Variants in PHKA2 observed in about 807,000 individuals in gnomAD.
PHKA2 encodes the protein phosphorylase b kinase regulatory subunit alpha, liver isoform.
PHKA2 carries 31 observed loss-of-function variants against 102.0 expected under a neutral mutation model. The ratio of observed to expected loss-of-function variants is 0.30; its 90% confidence interval spans 0.23 to 0.41. PHKA2 has a LOEUF of 0.41. PHKA2 is among the 10% of genes least tolerant of loss of function. The pLI is 1.00. For synonymous variants in PHKA2, 455 were observed against 416.2 expected (o/e 1.09, Z -1.13); for missense variants, 858 against 1,023.1 (o/e 0.84, Z 2.20).
intron 1 of PHKA2, among the ~76,000 whole-genome samples, chrX:18,975,411 C>T (rs935769513): frequency 2.7e-5 from 3 of 111,962 alleles, no homozygotes; most frequent in Non-Finnish European, 5.6e-5. Flanking sequence ...GACTGTGAGG[C>T]TTCCCCAGCC....
Position 18,901,698 on chromosome X carries a change from G to C in PHKA2, c.2909-95C>G, listed in dbSNP as rs184206870. Reference sequence around the variant, plus strand: ...CTGTCTCCCCCACTTGACAATGAGGGCCTTCTCTGCCTGGCCAGCGCTGTG... The same window carrying C: ...CTGTCTCCCCCACTTGACAATGAGGCCCTTCTCTGCCTGGCCAGCGCTGTG... On this transcript the variant is annotated intron_variant, in intron 26 of 32. Transcript: ENST00000379942. 98 of 581,819 alleles carry C rather than the reference G, an allele frequency of 1.7e-4. No homozygotes were observed. In the African/African-American group the frequency reaches 1.7e-3, roughly 10 times the overall value. 47.9% of individuals were successfully genotyped at this position (581,819 alleles called of 1,213,427 possible).
chrX:18,917,451 G>A (rs866772525), intron 19 of PHKA2, among the ~76,000 whole-genome samples: 4 of 108,872 alleles, frequency 3.7e-5, no homozygotes, highest in East Asian at 2.9e-4. Context: ...TACAGACAGC[G>A]TTTCACCATG....
chrX:18,926,262 G>A (rs1055681045), intron 14 of PHKA2, among the ~76,000 whole-genome samples, 191 bp downstream of exon 14: 4 of 112,527 alleles, frequency 3.6e-5, no homozygotes, highest in Non-Finnish European at 7.5e-5. Context: ...CACCTGTGAC[G>A]GTGCCCACTG....
chrX:18,931,562 G>T (rs2048315389), intron 12 of PHKA2, 79 bp downstream of exon 12: 1 of 692,785 alleles, frequency 1.4e-6, no homozygotes, highest in Non-Finnish European at 2.4e-6. Flanking sequence ...ACGCCTGGCA[G>T]AGAGTCCCTA....
intron 19 of PHKA2, among the ~76,000 whole-genome samples, chrX:18,912,421 T>C (rs1030844728): frequency 1.8e-5 from 2 of 111,125 alleles, no homozygotes; most frequent in Non-Finnish European, 3.8e-5. Context: ...ATACTGTAGG[T>C]AACTGTAACA....
chrX:18,920,058 C>A lies in PHKA2; in HGVS notation c.1937G>T (p.Gly646Val). The A allele has an allele frequency of 8.3e-7, 1 of 1,205,077 alleles. No individual in the cohort carries two copies. The highest frequency in any genetic ancestry group is 1.1e-6 in the Non-Finnish European group (1 of 889,736). Residue 646 changes from glycine to valine, a missense_variant, in exon 18 of 33, where the codon GGA becomes GTA. This residue lies in a region of PHKA2 where 671 missense variants were observed against 745.2 expected (regional missense o/e 0.90). Coordinates refer to ENST00000379942, the MANE Select transcript of PHKA2 (RefSeq NM_000292.3). Reference protein sequence around the residue: ...FSPDSDSDLVGYLEDTCNQES... With the variant: ...FSPDSDSDLVVYLEDTCNQES... Reference sequence around the variant, plus strand: ...TTGATTACAGGTGTCTTCCAGATATCCTACCAAATCTGAATCACTATCAGG... The same window carrying A: ...TTGATTACAGGTGTCTTCCAGATATACTACCAAATCTGAATCACTATCAGG...
intron 30 of PHKA2, 52 bp downstream of exon 30, chrX:18,897,111 C>T: frequency 8.5e-7 from 1 of 1,183,035 alleles, no homozygotes; most frequent in Non-Finnish European, 1.1e-6. Flanking sequence ...CATGCCTTGC[C>T]AGGACAGTAA....
intron 1 of PHKA2, 42 bp downstream of exon 1, chrX:18,983,813 G>C (rs775812095): frequency 9.4e-7 from 1 of 1,058,680 alleles, no homozygotes; most frequent in Non-Finnish European, 1.3e-6. Context: ...AGTTACATGA[G>C]AGGGTAGTTC....
At chrX:18,945,441 T>G (rs1036037867) in intron 5 of PHKA2, among the ~76,000 whole-genome samples, 2 of 112,387 alleles carry the variant, frequency 1.8e-5, no homozygotes, top group East Asian at 5.5e-4. Context: ...AAACTCTGGA[T>G]GTATGGAGAA....
chrX:18,909,884 C>G (rs766442281), intron 20 of PHKA2, among the ~76,000 whole-genome samples: 26 of 112,225 alleles, frequency 2.3e-4, no homozygotes, highest in African/African-American at 8.1e-4. Flanking sequence ...TCTATTCCTG[C>G]TTTCTGCACC....
chrX:18,925,593 T>C (rs975301083), intron 15 of PHKA2, 75 bp downstream of exon 15: 28 of 597,480 alleles, frequency 4.7e-5, no homozygotes, highest in Non-Finnish European at 6.8e-5. Context: ...AATTCTGTCA[T>C]ATTCACAGGA....
intron 10 of PHKA2, among the ~76,000 whole-genome samples, chrX:18,938,008 A>G (rs1230411358): frequency 8.9e-6 from 1 of 112,271 alleles, no homozygotes; most frequent in East Asian, 2.8e-4. Context: ...TCTGTGATGG[A>G]ATGTTCTTGC....
intron 18 of PHKA2, among the ~76,000 whole-genome samples, 166 bp downstream of exon 18, chrX:18,919,866 C>A (rs1351722162): frequency 2.7e-5 from 3 of 111,384 alleles, no homozygotes; most frequent in Admixed American, 9.6e-5. Flanking sequence ...TTTAAACGGG[C>A]ATTTTATTCA....
intron 26 of PHKA2, among the ~76,000 whole-genome samples, chrX:18,903,505 G>A: frequency 8.9e-6 from 1 of 112,709 alleles, no homozygotes; most frequent in East Asian, 2.8e-4. Context: ...TGTCTGGGCA[G>A]CAGATGCAGG....
intron 12 of PHKA2, among the ~76,000 whole-genome samples, chrX:18,931,277 G>A (rs2048310814): frequency 9.0e-6 from 1 of 111,419 alleles, no homozygotes; most frequent in Non-Finnish European, 1.9e-5. Context: ...GGGCACCTAG[G>A]GGCCAATCTA....
At chrX:18,964,995 T>C (rs1420825015) in intron 1 of PHKA2, among the ~76,000 whole-genome samples, 1 of 112,423 alleles carries the variant, frequency 8.9e-6, no homozygotes, top group African/African-American at 3.2e-5. Flanking sequence ...CTGCAAGCTG[T>C]CCTGGTCCGA....
In PHKA2 at chrX:18,895,133, C is replaced by T. The variant is rs1297577445; in HGVS notation, c.3336+5G>A. ...GGGCCCGCCTCTGCGTTTTTCTCATCGTACCTCTCGGGTCGTCGAGGATGG... is the reference window on the plus strand; with the variant it reads ...GGGCCCGCCTCTGCGTTTTTCTCATTGTACCTCTCGGGTCGTCGAGGATGG... On this transcript the variant is annotated splice_donor_5th_base_variant and intron_variant, in intron 31 of 32. Coordinates refer to ENST00000379942, the MANE Select transcript of PHKA2 (RefSeq NM_000292.3). The T allele has an allele frequency of 7.4e-6, 9 of 1,210,183 alleles. No individual in the cohort carries two copies. Among genetic ancestry groups the T allele is most frequent in the Admixed American group, 6.5e-5 (3 of 46,083 alleles).
intron 12 of PHKA2, among the ~76,000 whole-genome samples, chrX:18,930,799 C>T (rs1326233601): frequency 9.0e-6 from 1 of 111,055 alleles, no homozygotes; most frequent in Non-Finnish European, 1.9e-5. Flanking sequence ...AGGTAGTGTT[C>T]CTGAGGGCTG....
chrX:18,918,380 G>A (rs2048055698), intron 19 of PHKA2, among the ~76,000 whole-genome samples: 2 of 112,474 alleles, frequency 1.8e-5, no homozygotes, highest in African/African-American at 6.5e-5. Flanking sequence ...GTTAGGGGGA[G>A]TGAAGCAGAG....
Sources: allele counts gnomAD v4.1 joint callset (sites outside exome capture counted in the v4.1 genomes callset), GRCh38; gene constraint gnomAD v4.1.1; regional missense constraint gnomAD v4.1.1; transcripts MANE v1.5; gene names NCBI Gene and HGNC (gene_info 2026-07-23, HGNC 2026-07-21).